The following PCDH15 variants were observed in gnomAD, a reference collection of about 807,000 sequenced individuals.
PCDH15 encodes the protein protocadherin related 15.
A neutral mutation model predicts 178.5 loss-of-function variants in PCDH15; 129 were observed. The ratio of observed to expected loss-of-function variants is 0.72; its 90% CI spans 0.63 to 0.84. The LOEUF is 0.84. PCDH15 is among the 40% of genes least tolerant of loss of function. PCDH15 has a pLI of 0.00. For synonymous variants in PCDH15, 800 were observed against 732.0 expected (o/e 1.09, Z -1.50); for missense variants, 2,230 against 2,099.9 (o/e 1.06, Z -1.21).
At chr10:53,888,359 C>CATCT (rs1554845365) in intron 26 of PCDH15, among the ~76,000 whole-genome samples, 1 of 107,148 alleles carries the variant, frequency 9.3e-6, no homozygotes, top group African/African-American at 4.2e-5. Context: ...CGTATATATA[C>CATCT]ATATATATAT....
intron 1 of PCDH15, among the ~76,000 whole-genome samples, chr10:55,247,016 T>A (rs1196421386): frequency 6.6e-6 from 1 of 152,156 alleles, no homozygotes; most frequent in Non-Finnish European, 1.5e-5. Context: ...AGTAAAAGTT[T>A]AAGCACAAAT....
At chr10:54,958,994 G>T (rs1160433367) in intron 2 of PCDH15, among the ~76,000 whole-genome samples, 2 of 151,878 alleles carry the variant, frequency 1.3e-5, no homozygotes, top group East Asian at 3.9e-4. Flanking sequence ...ACCTTTTAAG[G>T]AGTCAACTAA....
chr10:54,834,039 G>A (rs543882592), intron 3 of PCDH15, among the ~76,000 whole-genome samples: 1 of 152,150 alleles, frequency 6.6e-6, no homozygotes, highest in South Asian at 2.1e-4. Flanking sequence ...ATACTTATTG[G>A]ACAAGTTACC....
chr10:54,797,507 AAC>A (rs71014418), intron 1 of PCDH15, among the ~76,000 whole-genome samples: 11,754 of 145,072 alleles, frequency 0.081, 512 homozygotes, highest in Non-Finnish European at 0.095. Context: ...TTATTGTTGA[AAC>A]ACACACACAC....
At chr10:54,797,566 G>C (rs1372168597) in intron 1 of PCDH15, among the ~76,000 whole-genome samples, 8 of 149,890 alleles carry the variant, frequency 5.3e-5, no homozygotes, top group Admixed American at 2.0e-4. Flanking sequence ...ATCTTAGGAA[G>C]TAATTGGACA....
intron 2 of PCDH15, among the ~76,000 whole-genome samples, chr10:55,453,629 C>T (rs1839482716): frequency 6.6e-6 from 1 of 152,010 alleles, no homozygotes; most frequent in African/African-American, 2.4e-5. Context: ...GTTTACTTCT[C>T]AGTCCCATTT....
rs765215862 is a variant in PCDH15 at position 53,827,514 on chromosome 10, G to A, written c.4246C>T (p.Gln1416Ter). 1 of 1,614,134 alleles carries A rather than the reference G, an allele frequency of 6.2e-7. No individual in the cohort carries two copies. Among genetic ancestry groups the A allele is most frequent in the Admixed American group, 1.7e-5 (1 of 60,022 alleles). ...GGTTTAGCCGCGGGTAATGCGGCCT[G>A]AATTCGTGCAGTCTTTGTACACTCA... Reference protein sequence around the residue: ...QAECTKTARIQAALPAAKPAV... With the variant: ...QAECTKTARI Residue 1416 changes from glutamine to a stop codon, truncating the protein, a stop_gained, in exon 32 of 38, where the codon CAG becomes TAG. Transcript: ENST00000644397. LOFTEE classifies it high-confidence loss of function.
intron 13 of PCDH15, among the ~76,000 whole-genome samples, chr10:54,153,768 TCCTC>T (rs2044809149): frequency 2.0e-5 from 3 of 152,154 alleles, no homozygotes; most frequent in Non-Finnish European, 4.4e-5. Flanking sequence ...CATAATGTTC[TCCTC>T]CCTGTCTCCC....
chr10:54,864,194 A>G (rs928734591), intron 3 of PCDH15, among the ~76,000 whole-genome samples: 1 of 152,182 alleles, frequency 6.6e-6, no homozygotes, highest in African/African-American at 2.4e-5. Flanking sequence ...TAAACACATC[A>G]GAAAGAAAAG....
chr10:55,199,345 T>C (rs1343323242), intron 1 of PCDH15, among the ~76,000 whole-genome samples: 1 of 152,008 alleles, frequency 6.6e-6, no homozygotes, highest in Non-Finnish European at 1.5e-5. Context: ...CTGCAGAACT[T>C]TGAACTTAAG....
intron 2 of PCDH15, among the ~76,000 whole-genome samples, chr10:55,558,589 G>A (rs1428853043): frequency 6.6e-6 from 1 of 152,086 alleles, no homozygotes; most frequent in Non-Finnish European, 1.5e-5. Context: ...TAATGCCTAT[G>A]CATACAATTA....
chr10:54,840,445 A>C (rs1251064540), intron 3 of PCDH15, among the ~76,000 whole-genome samples: 8 of 151,932 alleles, frequency 5.3e-5, no homozygotes, highest in African/African-American at 9.7e-5. Context: ...TCTAGTAGGC[A>C]CACAAAATAT....
chr10:54,104,898 T>C (rs2094883581), intron 15 of PCDH15, among the ~76,000 whole-genome samples: 2 of 148,236 alleles, frequency 1.3e-5, no homozygotes, highest in Non-Finnish European at 3.0e-5. Flanking sequence ...TTTTCTTTCA[T>C]CACTTTGTCC....
chr10:54,333,250 T>C (rs2133946694), intron 6 of PCDH15, among the ~76,000 whole-genome samples: 1 of 152,238 alleles, frequency 6.6e-6, no homozygotes, highest in East Asian at 1.9e-4. Flanking sequence ...CTGGCCTAGA[T>C]TTTCATTTTG....
At chr10:54,759,176 A>G (rs971866237) in intron 1 of PCDH15, among the ~76,000 whole-genome samples, 2 of 152,186 alleles carry the variant, frequency 1.3e-5, no homozygotes, top group African/African-American at 4.8e-5. Flanking sequence ...AAGTACTATC[A>G]TCATTTTCTT....
chr10:53,995,088 C>T (rs2610881), intron 21 of PCDH15: 78,815 of 153,022 alleles, frequency 0.52, 20,913 homozygotes, highest in Middle Eastern at 0.66. Context: ...ATTAATTATA[C>T]ATGGTATTTT....
At chr10:53,959,558 T>C (rs1379631904) in intron 23 of PCDH15, among the ~76,000 whole-genome samples, 174 bp downstream of exon 23, 1 of 152,206 alleles carries the variant, frequency 6.6e-6, no homozygotes, top group Non-Finnish European at 1.5e-5. Flanking sequence ...TATTTTATAC[T>C]AAATTGTCAT....
At chr10:53,898,299 T>C (rs1564716218) in intron 26 of PCDH15, among the ~76,000 whole-genome samples, 1 of 152,146 alleles carries the variant, frequency 6.6e-6, no homozygotes. Flanking sequence ...TTAGTTGTTG[T>C]AAATAGCACT....
intron 2 of PCDH15, among the ~76,000 whole-genome samples, chr10:55,392,122 C>T (rs1837807809): frequency 6.6e-6 from 1 of 152,008 alleles, no homozygotes; most frequent in Non-Finnish European, 1.5e-5. Flanking sequence ...TTTTGTGGTG[C>T]CCCAACACAA....
Sources: allele counts gnomAD v4.1 joint callset (sites outside exome capture counted in the v4.1 genomes callset), GRCh38; gene constraint gnomAD v4.1.1; transcripts MANE v1.5; gene names NCBI Gene and HGNC (gene_info 2026-07-23, HGNC 2026-07-21).